The following HOOK3 variants were observed in gnomAD, a reference collection of about 807,000 sequenced individuals.
HOOK3 encodes protein Hook homolog 3.
Under a neutral mutation model 116.3 loss-of-function variants are expected in HOOK3, and 24 were observed. The observed-to-expected ratio is 0.21, with a 90% CI of 0.15 to 0.29. The LOEUF is 0.29. Among genes scored for constraint, HOOK3 ranks in the 10% least tolerant of loss-of-function variants. The pLI is 1.00. For synonymous variants in HOOK3, 275 were observed against 283.0 expected, an observed-to-expected ratio of 0.97 and a Z score of 0.28; for missense variants, 632 against 830.2, an observed-to-expected ratio of 0.76 and a Z score of 2.93.
intron 1 of HOOK3, among the ~76,000 whole-genome samples, chr8:42,903,636 C>T (rs1332379688): frequency 6.6e-6 from 1 of 150,834 alleles, no homozygotes. Context: ...AGCCACCGTG[C>T]CCGGCCAATA....
intron 14 of HOOK3, among the ~76,000 whole-genome samples, chr8:42,985,117 A>G (rs1809026393): frequency 2.0e-5 from 3 of 152,098 alleles, no homozygotes; most frequent in South Asian, 4.1e-4. Context: ...TCATAAACTG[A>G]AGGGAAAAGA....
intron 5 of HOOK3, among the ~76,000 whole-genome samples, chr8:42,947,928 C>A (rs1808266298): frequency 6.6e-6 from 1 of 151,970 alleles, no homozygotes; most frequent in Non-Finnish European, 1.5e-5. Context: ...AAATGTGTTT[C>A]CTAATTAGAA....
intron 4 of HOOK3, among the ~76,000 whole-genome samples, chr8:42,935,797 TGTA>T (rs1261488222): frequency 1.3e-5 from 2 of 152,244 alleles, no homozygotes; most frequent in African/African-American, 4.8e-5. Flanking sequence ...ACTGTAGCCT[TGTA>T]GTATAGTTTG....
rs765736625 is a variant in HOOK3, at chr8:42,959,309, A to C, written c.610A>C (p.Met204Leu). 8.7e-6 allele frequency: 14 copies of C among 1,606,824 alleles called. No individual in the cohort carries two copies. Among genetic ancestry groups the C allele is most frequent in the African/African-American group, 1.3e-5 (1 of 74,766 alleles). Residue 204 changes from methionine (M) to leucine (L), a missense_variant, in exon 8 of 22, where the codon ATG becomes CTG. Met to Leu is a conservative substitution (Grantham distance 15). Coordinates refer to ENST00000307602, the MANE Select transcript of HOOK3 (RefSeq NM_032410.4). ...TGCTCAAAGATGCCATGAACTGGAT[A>C]TGCAGGTAAGAGATTTGTTCTGTGC... ...EIAQRCHELD[M>L]QVAALQEEKS...
intron 10 of HOOK3, among the ~76,000 whole-genome samples, chr8:42,967,028 T>G (rs1033361842): frequency 6.6e-6 from 1 of 151,976 alleles, no homozygotes; most frequent in African/African-American, 2.4e-5. Flanking sequence ...GTCACCTCAT[T>G]TTTTCACCCC....
intron 4 of HOOK3, among the ~76,000 whole-genome samples, chr8:42,942,144 G>C (rs1411701940): frequency 6.6e-6 from 1 of 152,166 alleles, no homozygotes; most frequent in Non-Finnish European, 1.5e-5. Context: ...TGTAATCCCA[G>C]CTACTTGGGA....
chr8:43,009,128 A>G (rs1441836146), intron 18 of HOOK3, among the ~76,000 whole-genome samples: 1 of 151,792 alleles, frequency 6.6e-6, no homozygotes, highest in Non-Finnish European at 1.5e-5. Flanking sequence ...AAGGCCAGCA[A>G]CGGTGGCTCA....
intron 21 of HOOK3, 101 bp downstream of exon 21, chr8:43,013,501 A>G: frequency 1.1e-6 from 1 of 951,860 alleles, no homozygotes; most frequent in East Asian, 2.7e-5. Flanking sequence ...AATGAATCTG[A>G]AAGTAACTGC....
At chr8:42,968,338 A>G (rs1251404915) in intron 11 of HOOK3, 124 bp downstream of exon 11, 3 of 673,708 alleles carry the variant, frequency 4.5e-6, no homozygotes, top group African/African-American at 3.7e-5. Context: ...TATTGTATTG[A>G]TTCATTTAGG....
chr8:43,028,321 A>G lies in HOOK3; in HGVS notation c.*9823A>G, dbSNP rs557631112. ...GTAAGGTCTGATCACACCTGACTGCACTCCAGCCTGGGTGGCAAAGCAAGA... is the reference window on the plus strand; with the variant it reads ...GTAAGGTCTGATCACACCTGACTGCGCTCCAGCCTGGGTGGCAAAGCAAGA... On this transcript the variant is annotated 3_prime_UTR_variant, in exon 22 of 22. Coordinates refer to ENST00000307602, the MANE Select transcript of HOOK3 (RefSeq NM_032410.4). 5 of 183,578 alleles carry G rather than the reference A, an allele frequency of 2.7e-5. No homozygotes were observed. In the Admixed American group the frequency reaches 3.1e-4, roughly 11 times the overall value. 11.4% of individuals were successfully genotyped at this position (183,578 alleles called of 1,614,324 possible).
At chr8:43,010,272 A>AGAT in intron 18 of HOOK3, 33 bp from the exon 19 acceptor site, 1 of 500,320 alleles carries the variant, frequency 2.0e-6, no homozygotes, top group Non-Finnish European at 3.0e-6. Context: ...TATATTATCT[A>AGAT]AATATATATA....
At chr8:42,999,757 T>C (rs899226259) in intron 16 of HOOK3, among the ~76,000 whole-genome samples, 1 of 152,200 alleles carries the variant, frequency 6.6e-6, no homozygotes, top group Non-Finnish European at 1.5e-5. Context: ...TCCAGCCATA[T>C]GGATAATTTG....
At chr8:42,981,227 A>G (rs1808935788) in intron 13 of HOOK3, among the ~76,000 whole-genome samples, 1 of 151,134 alleles carries the variant, frequency 6.6e-6, no homozygotes. Flanking sequence ...AATTTTTTGT[A>G]TTTTTGGTGG....
intron 2 of HOOK3, among the ~76,000 whole-genome samples, chr8:42,909,829 T>C (rs1586586315): frequency 6.8e-6 from 1 of 147,666 alleles, no homozygotes; most frequent in African/African-American, 2.4e-5. Context: ...TTGTGCTAAG[T>C]AAATAAGCCA....
rs1809900951 is a variant in HOOK3, at chr8:43,024,715, T to C, written c.*6217T>C. 5.2e-6 allele frequency: 1 copy of C among 193,734 alleles called. No homozygotes were observed. Among genetic ancestry groups the C allele is most frequent in the Admixed American group, 6.1e-5 (1 of 16,400 alleles). The allele number at this position is 193,734 out of a possible 1,614,324, so 12.0% of individuals were successfully genotyped here. On this transcript the variant is annotated 3_prime_UTR_variant, in exon 22 of 22. Transcript: ENST00000307602. The stretch of plus-strand genomic sequence containing the variant: ...TATGTTCCTTTTGTTGAAAATGTTT[T>C]ATTGTCCAGTTTTAACACAGAAGTG...
rs1809297102 is a variant in HOOK3 at position 42,997,281 on chromosome 8, A to G, written c.1533-269A>G. Among the ~76,000 whole-genome samples, 3 of 152,204 alleles carry G rather than the reference A, an allele frequency of 2.0e-5. No individual in the cohort carries two copies. In the South Asian group the frequency reaches 6.2e-4, roughly 32 times the overall value. On this transcript the variant is annotated intron_variant, in intron 15 of 21. Transcript: ENST00000307602. ...ATAAACATGTATTGAAGTGAATTTC[A>G]GAGAAATTAATATGCATAAGTACAT...
rs750194670 is a variant in HOOK3, at chr8:42,968,007, T to C, written c.921-6T>C. On this transcript the variant is annotated splice_region_variant and splice_polypyrimidine_tract_variant and intron_variant, in intron 10 of 21. Transcript: ENST00000307602. ...CTGATTTTTTTAATTTCCCATCTAA[T>C]TCTAGACATTCTTCTGATAAAGTAT... The C allele has an allele frequency of 2.7e-6, 4 of 1,471,646 alleles. No homozygotes were observed. The highest frequency in any genetic ancestry group is 3.8e-6 in the Non-Finnish European group (4 of 1,053,554). 91.2% of individuals were successfully genotyped at this position (1,471,646 alleles called of 1,614,324 possible). A position where few individuals can be genotyped will look rare whatever the true frequency, so the allele number is the denominator to read the frequency against.
In HOOK3 at chr8:43,026,850, A is replaced by C. The variant is rs916557426; in HGVS notation, c.*8352A>C. On this transcript the variant is annotated 3_prime_UTR_variant, in exon 22 of 22. Transcript: ENST00000307602. ...AGCATTCTGAGTTCCCCTGTAACAG[A>C]TAGGTTTTATGAACTCAGCTGTTTT... 3 of 215,912 alleles carry C rather than the reference A, an allele frequency of 1.4e-5. No homozygotes were observed. The highest frequency in any genetic ancestry group is 2.3e-5 in the African/African-American group (1 of 44,338). The allele number at this position is 215,912 out of a possible 1,614,324, so 13.4% of individuals were successfully genotyped here. A position where few individuals can be genotyped will look rare whatever the true frequency, so the allele number is the denominator to read the frequency against.
intron 11 of HOOK3, among the ~76,000 whole-genome samples, chr8:42,969,648 C>A (rs1808692183): frequency 6.6e-6 from 1 of 152,100 alleles, no homozygotes; most frequent in Non-Finnish European, 1.5e-5. Flanking sequence ...ACATGTAAGA[C>A]CTTGTCTTGA....
Sources: gnomAD v4.1 joint callset for allele counts (sites outside exome capture counted in the v4.1 genomes callset) on GRCh38, gnomAD v4.1.1 for gene constraint, MANE v1.5 for transcripts, NCBI Gene and HGNC (gene_info 2026-07-23, HGNC 2026-07-21) for gene names.